Variants in GGTA1 observed in about 807,000 individuals in gnomAD.
The protein encoded by GGTA1 is inactive N-acetyllactosaminide alpha-1,3-galactosyltransferase.
A neutral mutation model predicts 2.6 loss-of-function variants in GGTA1; 5 were observed. That is an observed-to-expected ratio of 1.92 (90% CI 1.00 to 4.04). The LOEUF is 4.04. GGTA1 is among the 30% of genes most tolerant of loss of function. GGTA1 has a pLI of 0.00. For missense variants in GGTA1, 50 were observed against 16.7 expected (o/e 2.99, Z -3.47); for synonymous variants, 17 against 5.0 (o/e 3.38, Z -3.19).
chr9:121,454,741 G>A (rs773513297), downstream of GGTA1, among the ~76,000 whole-genome samples: 6 of 152,148 alleles, frequency 3.9e-5, no homozygotes, highest in Admixed American at 6.5e-5. Context: ...AGCCGGGCGC[G>A]GTGGCTCATG....
At chr9:121,464,137 C>T (rs2064984441) in intron 2 of GGTA1, among the ~76,000 whole-genome samples, 1 of 152,216 alleles carries the variant, frequency 6.6e-6, no homozygotes, top group African/African-American at 2.4e-5. Flanking sequence ...GCAATATCCA[C>T]ATTGCAGTGG....
downstream of GGTA1, among the ~76,000 whole-genome samples, chr9:121,453,732 A>G (rs1414664680): frequency 6.6e-6 from 1 of 152,174 alleles, no homozygotes; most frequent in East Asian, 1.9e-4. Flanking sequence ...GACGTTAGCA[A>G]ATACGTCGGG....
chr9:121,455,265 T>C lies in GGTA1; in HGVS notation c.*572A>G, dbSNP rs535639697. The stretch of plus-strand genomic sequence containing the variant: ...GTAACCATTTCTGAACTTAAAACTC[T>C]CTTGTTCGTTACACCTCATTCATTG... On this transcript the variant is annotated 3_prime_UTR_variant, in exon 6 of 6. Coordinates refer to ENST00000481799, the MANE Select transcript of GGTA1 (RefSeq NM_001382585.1). 5 of 152,346 alleles carry C rather than the reference T, an allele frequency of 3.3e-5. No homozygotes were observed. In the East Asian group the frequency reaches 5.8e-4, roughly 18 times the overall value. The allele number at this position is 152,346 out of a possible 1,614,324, so 9.4% of individuals were successfully genotyped here.
At chr9:121,497,864 G>T (rs975800742) in intron 1 of GGTA1, among the ~76,000 whole-genome samples, 1 of 152,194 alleles carries the variant, frequency 6.6e-6, no homozygotes, top group Non-Finnish European at 1.5e-5. Flanking sequence ...TGGAGTTGGA[G>T]TGTAGGAGAG....
intron 1 of GGTA1, among the ~76,000 whole-genome samples, chr9:121,493,698 C>T (rs546278825): frequency 6.6e-6 from 1 of 151,306 alleles, no homozygotes; most frequent in African/African-American, 2.4e-5. Flanking sequence ...ACCCTCTTGA[C>T]CACATCCTCC....
At chr9:121,468,671 A>G (rs936922051) in intron 1 of GGTA1, among the ~76,000 whole-genome samples, 5 of 152,214 alleles carry the variant, frequency 3.3e-5, no homozygotes, top group African/African-American at 7.2e-5. Context: ...GGATGATCTA[A>G]CTAGAGCTGA....
intron 1 of GGTA1, among the ~76,000 whole-genome samples, chr9:121,496,038 G>A (rs1486084920): frequency 1.3e-5 from 2 of 152,318 alleles, no homozygotes. Context: ...TTAAATCCCA[G>A]TTGACCCATA....
chr9:121,455,269 G>A lies in GGTA1; in HGVS notation c.*568C>T, dbSNP rs1020601412. On this transcript the variant is annotated 3_prime_UTR_variant, in exon 6 of 6. Transcript: ENST00000481799. ...CCATTTCTGAACTTAAAACTCTCTT[G>A]TTCGTTACACCTCATTCATTGCATC... is the stretch of plus-strand genomic sequence containing the variant. The A allele has an allele frequency of 3.9e-5, 6 of 152,130 alleles. No individual in the cohort carries two copies. Among genetic ancestry groups the A allele is most frequent in the Non-Finnish European group, 8.8e-5 (6 of 68,026 alleles). 9.4% of individuals were successfully genotyped at this position (152,130 alleles called of 1,614,324 possible).
intron 1 of GGTA1, among the ~76,000 whole-genome samples, chr9:121,474,799 G>T (rs1300039994): frequency 6.7e-6 from 1 of 149,566 alleles, no homozygotes; most frequent in Non-Finnish European, 1.5e-5. Context: ...ATCCGGCAGG[G>T]TGAAAGTGGT....
chr9:121,449,535 A>T (rs1371688147), intron 7 of GGTA1, among the ~76,000 whole-genome samples: 1 of 152,116 alleles, frequency 6.6e-6, no homozygotes, highest in Non-Finnish European at 1.5e-5. Flanking sequence ...TATTCATTTG[A>T]AAAGCATTGC....
intron 3 of GGTA1, among the ~76,000 whole-genome samples, chr9:121,462,222 G>A (rs888834067): frequency 3.3e-5 from 5 of 152,144 alleles, no homozygotes; most frequent in Admixed American, 3.3e-4. Flanking sequence ...CTACTCAAGA[G>A]GCTGAGGCGG....
rs1250948868 is a variant in GGTA1 at position 121,455,246 on chromosome 9, A to G, written c.*591T>C. The G allele has an allele frequency of 6.6e-6, 1 of 152,106 alleles. No homozygotes were observed. Among genetic ancestry groups the G allele is most frequent in the Non-Finnish European group, 1.5e-5 (1 of 68,028 alleles). 9.4% of individuals were successfully genotyped at this position (152,106 alleles called of 1,614,324 possible). A position where few individuals can be genotyped will look rare whatever the true frequency, so the allele number is the denominator to read the frequency against. On this transcript the variant is annotated 3_prime_UTR_variant, in exon 6 of 6. Coordinates refer to ENST00000481799, the MANE Select transcript of GGTA1 (RefSeq NM_001382585.1). The stretch of plus-strand genomic sequence containing the variant: ...ACAGCTGTCTTATACTTCTGTAACC[A>G]TTTCTGAACTTAAAACTCTCTTGTT...
intron 1 of GGTA1, among the ~76,000 whole-genome samples, chr9:121,473,805 T>C (rs1828444976): frequency 6.6e-6 from 1 of 151,900 alleles, no homozygotes; most frequent in Non-Finnish European, 1.5e-5. Context: ...TAGTCCCAGC[T>C]ATTGGGGAAG....
At chr9:121,474,528 A>G (rs1409038249) in intron 1 of GGTA1, among the ~76,000 whole-genome samples, 4 of 152,040 alleles carry the variant, frequency 2.6e-5, no homozygotes, top group African/African-American at 9.7e-5. Flanking sequence ...AGACTTTTCC[A>G]TATGGCCTAT....
At position 121,499,805 on chromosome 9, in the gene GGTA1, C is replaced by G. The variant is rs1229249017; in HGVS notation, c.-165G>C. 3 of 152,054 alleles carry G rather than the reference C, an allele frequency of 2.0e-5. No homozygotes were observed. Among genetic ancestry groups the G allele is most frequent in the East Asian group, 3.9e-4 (2 of 5,158 alleles). The allele number at this position is 152,054 out of a possible 1,614,324, so 9.4% of individuals were successfully genotyped here. On this transcript the variant is annotated 5_prime_UTR_variant, in exon 1 of 6. Transcript: ENST00000481799. ...GAGGCGCGTCCTCCCGCCCGTGGGC[C>G]GGCCGGCCGGGCTTCTGCTCTGGGC...
chr9:121,468,922 C>T (rs1281396145), intron 1 of GGTA1, among the ~76,000 whole-genome samples: 1 of 152,158 alleles, frequency 6.6e-6, no homozygotes, highest in Non-Finnish European at 1.5e-5. Flanking sequence ...TGAGGAGCCA[C>T]CCCATCCCCA....
At chr9:121,478,513 G>A (rs1369571809) in intron 1 of GGTA1, among the ~76,000 whole-genome samples, 1 of 152,218 alleles carries the variant, frequency 6.6e-6, no homozygotes, top group Non-Finnish European at 1.5e-5. Flanking sequence ...GGTGCTGGGT[G>A]TAAGGAGGAA....
intron 1 of GGTA1, among the ~76,000 whole-genome samples, chr9:121,486,082 AT>A (rs1419873370): frequency 6.6e-6 from 1 of 152,194 alleles, no homozygotes; most frequent in African/African-American, 2.4e-5. Context: ...TGATAATTGT[AT>A]TCCAGTAAGG....
intron 5 of GGTA1, among the ~76,000 whole-genome samples, chr9:121,459,750 C>T (rs561738797): frequency 5.3e-5 from 8 of 152,144 alleles, no homozygotes; most frequent in Non-Finnish European, 1.0e-4. Flanking sequence ...AGAACCACAT[C>T]CTTCCAGTTG....
Sources: gnomAD v4.1 joint callset for allele counts (sites outside exome capture counted in the v4.1 genomes callset) on GRCh38, gnomAD v4.1.1 for gene constraint, MANE v1.5 for transcripts, NCBI Gene and HGNC (gene_info 2026-07-23, HGNC 2026-07-21) for gene names.